Variants in OGDH observed in about 807,000 individuals in gnomAD.
OGDH encodes the protein 2-oxoglutarate dehydrogenase complex component E1.
OGDH carries 38 observed loss-of-function variants against 116.6 expected under a neutral mutation model. That is an observed-to-expected ratio of 0.33 (90% CI 0.25 to 0.43). OGDH has a LOEUF of 0.43. OGDH is among the 20% of genes least tolerant of loss of function. The pLI is 1.00. For synonymous variants in OGDH, 488 were observed against 533.3 expected, an observed-to-expected ratio of 0.92 and a Z score of 1.17; for missense variants, 825 against 1,357.2, an observed-to-expected ratio of 0.61 and a Z score of 6.16.
chr7:44,670,001 T>C (rs1011533987), intron 5 of OGDH, among the ~76,000 whole-genome samples: 2 of 152,138 alleles, frequency 1.3e-5, no homozygotes, highest in East Asian at 1.9e-4. Flanking sequence ...ATTCAACTTA[T>C]TGGCTTCCTA....
intron 1 of OGDH, among the ~76,000 whole-genome samples, chr7:44,612,635 G>A (rs572807327): frequency 3.3e-5 from 5 of 151,440 alleles, no homozygotes; most frequent in African/African-American, 1.2e-4. Flanking sequence ...CACTCGCCTC[G>A]GCCTCCCAAA....
chr7:44,691,423 T>A (rs566302062), intron 10 of OGDH, among the ~76,000 whole-genome samples: 1 of 149,078 alleles, frequency 6.7e-6, no homozygotes, highest in Non-Finnish European at 1.5e-5. Flanking sequence ...TCCCAGCTAC[T>A]GAGGAGGCTG....
At position 44,645,618 on chromosome 7, in the gene OGDH, T is replaced by C. The variant is rs1786138904; in HGVS notation, c.414+100T>C. 4 of 1,088,420 alleles carry C rather than the reference T, an allele frequency of 3.7e-6. No homozygotes were observed. In the East Asian group the frequency reaches 7.8e-5, roughly 21 times the overall value. 67.4% of individuals were successfully genotyped at this position (1,088,420 alleles called of 1,614,324 possible). ...CCTTTCTGAGTGTATGTTGTCACTT[T>C]ACTTATACCTCCTCAAATACTAGGT... is the stretch of plus-strand genomic sequence containing the variant. On this transcript the variant is annotated intron_variant, in intron 3 of 22. Transcript: ENST00000222673.
chr7:44,607,026 C>T (rs994784386), intron 1 of OGDH, among the ~76,000 whole-genome samples: 1 of 152,176 alleles, frequency 6.6e-6, no homozygotes. Flanking sequence ...CCCCCAAGGT[C>T]GCCGCGGGCG....
At chr7:44,695,885 A>G (rs1045034820) in intron 12 of OGDH, 140 bp from the exon 13 acceptor site, 12 of 618,104 alleles carry the variant, frequency 1.9e-5, no homozygotes, top group Admixed American at 7.3e-5. Flanking sequence ...GTGTGGGACT[A>G]TGGGTGGGCA....
chr7:44,697,662 A>G lies in OGDH; in HGVS notation c.2238A>G (p.Gln746=), dbSNP rs772402639. Reference sequence around the variant, plus strand: ...ATGCCCTGGTCCTCTGGGAAGCCCAATTTGGTGACTTCCACAACACGGCCC... The same window carrying G: ...ATGCCCTGGTCCTCTGGGAAGCCCAGTTTGGTGACTTCCACAACACGGCCC... ...SPNALVLWEA[Q]FGDFHNTAQC... Residue 746 remains glutamine, a synonymous_variant, in exon 17 of 23, where the codon CAA becomes CAG. Coordinates refer to ENST00000222673, the MANE Select transcript of OGDH (RefSeq NM_002541.4). The surrounding 1 kb of genome is among the most constrained non-coding windows in gnomAD (Gnocchi z 6.0). 3.7e-6 allele frequency: 6 copies of G among 1,614,244 alleles called. No individual in the cohort carries two copies. Among genetic ancestry groups the G allele is most frequent in the Admixed American group, 1.7e-5 (1 of 60,028 alleles).
At chr7:44,667,129 A>G (rs1787219894) in intron 5 of OGDH, among the ~76,000 whole-genome samples, 1 of 151,480 alleles carries the variant, frequency 6.6e-6, no homozygotes, top group African/African-American at 2.4e-5. Flanking sequence ...TTAATTTTTT[A>G]TTGTAGAGAT....
At chr7:44,646,188 C>T (rs1223369933) in intron 3 of OGDH, among the ~76,000 whole-genome samples, 1 of 152,196 alleles carries the variant, frequency 6.6e-6, no homozygotes. Flanking sequence ...AAGACTTCAT[C>T]TGTGATAGTT....
chr7:44,663,642 G>A (rs560497044), intron 4 of OGDH, among the ~76,000 whole-genome samples: 11 of 152,302 alleles, frequency 7.2e-5, no homozygotes, highest in East Asian at 1.9e-4. Flanking sequence ...GGTGGTGCAC[G>A]CCTGTAGTCC....
intron 2 of OGDH, among the ~76,000 whole-genome samples, chr7:44,632,763 C>T (rs192495612): frequency 2.0e-5 from 3 of 152,004 alleles, no homozygotes; most frequent in South Asian, 2.1e-4. Context: ...GGACCATAGG[C>T]GCGTGCCACC....
intron 5 of OGDH, among the ~76,000 whole-genome samples, chr7:44,670,632 T>TTC (rs1368967134): frequency 1.4e-4 from 21 of 152,288 alleles, no homozygotes; most frequent in African/African-American, 5.1e-4. Context: ...AATTAGGGAT[T>TTC]AGGGGGCCAA....
intron 2 of OGDH, among the ~76,000 whole-genome samples, chr7:44,634,426 C>T (rs1474868468): frequency 6.6e-6 from 1 of 152,206 alleles, no homozygotes; most frequent in Non-Finnish European, 1.5e-5. Context: ...CACCTTTAGT[C>T]TAGTGCAGAA....
At chr7:44,620,130 C>T (rs776146168) in intron 1 of OGDH, among the ~76,000 whole-genome samples, 4 of 152,184 alleles carry the variant, frequency 2.6e-5, no homozygotes, top group Non-Finnish European at 4.4e-5. Context: ...AAGGGATTCT[C>T]CTGTCTCAGC....
intron 2 of OGDH, 77 bp downstream of exon 2, chr7:44,624,642 T>A: frequency 1.5e-6 from 2 of 1,313,466 alleles, no homozygotes; most frequent in Non-Finnish European, 2.2e-6. Context: ...GGTAAGTGTG[T>A]GCGTCCTGAG....
Position 44,697,141 on chromosome 7 carries a change from G to T in OGDH, c.2051+77G>T. ...GGAGGGGTTCTGGTGTTTCTTTTCC[G>T]GAAGACGGTTAGAAACCGGAAGAGT... On this transcript the variant is annotated intron_variant, in intron 15 of 22. Coordinates refer to ENST00000222673, the MANE Select transcript of OGDH (RefSeq NM_002541.4). The surrounding 1 kb of genome is among the most constrained non-coding windows in gnomAD (Gnocchi z 6.0). The T allele has an allele frequency of 6.4e-7, 1 of 1,553,846 alleles. No homozygotes were observed. Among genetic ancestry groups the T allele is most frequent in the Non-Finnish European group, 8.8e-7 (1 of 1,142,598 alleles).
At chr7:44,705,000 T>C (rs12674433) in intron 20 of OGDH, among the ~76,000 whole-genome samples, 33,256 of 146,714 alleles carry the variant, frequency 0.23, 6,832 homozygotes, top group African/African-American at 0.54. Flanking sequence ...CGTGAGGCAC[T>C]GCACCTGGCC....
At chr7:44,672,938 G>A (rs1470780123) in intron 5 of OGDH, among the ~76,000 whole-genome samples, 1 of 152,088 alleles carries the variant, frequency 6.6e-6, no homozygotes, top group African/African-American at 2.4e-5. Context: ...ACCGCGCCTG[G>A]CCCCGAGATG....
rs1159375784 is a variant in OGDH at position 44,708,721 on chromosome 7, G to C, written c.*722G>C. ...GTGTGTAGCCAGGAAGCCCCGCTCA[G>C]GTAGCCACCACCGGGGCACTGGCTG... On this transcript the variant is annotated 3_prime_UTR_variant, in exon 23 of 23. Transcript: ENST00000222673. The C allele has an allele frequency of 6.6e-6, 1 of 152,218 alleles. No individual in the cohort carries two copies. Among genetic ancestry groups the C allele is most frequent in the Non-Finnish European group, 1.5e-5 (1 of 68,052 alleles). 9.4% of individuals were successfully genotyped at this position (152,218 alleles called of 1,614,324 possible). A position where few individuals can be genotyped will look rare whatever the true frequency, so the allele number is the denominator to read the frequency against.
chr7:44,693,675 G>A (rs1788459217), intron 10 of OGDH, 150 bp from the exon 11 acceptor site: 1 of 502,744 alleles, frequency 2.0e-6, no homozygotes, highest in Non-Finnish European at 3.4e-6. Context: ...AAAAAACAAA[G>A]GAAAAGAAAA....
Sources: allele counts gnomAD v4.1 joint callset (sites outside exome capture counted in the v4.1 genomes callset), GRCh38; gene constraint gnomAD v4.1.1; non-coding constraint Gnocchi (gnomAD v3.1); transcripts MANE v1.5; gene names NCBI Gene and HGNC (gene_info 2026-07-23, HGNC 2026-07-21).